The following POLR3B variants were observed in gnomAD, a reference collection of about 807,000 sequenced individuals.
POLR3B encodes RNA polymerase III subunit B.
POLR3B carries 96 observed loss-of-function variants against 147.4 expected under a neutral mutation model. That is an observed-to-expected ratio of 0.65 (90% confidence interval 0.55 to 0.77). The LOEUF is 0.77. Ranked by LOEUF, POLR3B falls within the 30% of genes least tolerant of loss-of-function variation. The pLI, the probability that POLR3B is intolerant of heterozygous loss-of-function variation, is 0.00. For missense variants in POLR3B, 1,036 were observed against 1,413.5 expected (o/e 0.73, Z 4.28); for synonymous variants, 461 against 485.9 (o/e 0.95, Z 0.67).
At chr12:106,416,996 G>A (rs2037313403) in intron 12 of POLR3B, among the ~76,000 whole-genome samples, 1 of 152,096 alleles carries the variant, frequency 6.6e-6, no homozygotes, top group African/African-American at 2.4e-5. Context: ...CTGAAACTGT[G>A]ACCTCCTAGG....
intron 11 of POLR3B, among the ~76,000 whole-genome samples, chr12:106,406,339 G>A (rs546295916): frequency 5.3e-5 from 8 of 152,146 alleles, no homozygotes; most frequent in East Asian, 3.9e-4. Context: ...TGCCTTGCCC[G>A]TACATATTTT....
At chr12:106,461,534 T>C (rs1440514361) in intron 22 of POLR3B, among the ~76,000 whole-genome samples, 2 of 152,132 alleles carry the variant, frequency 1.3e-5, no homozygotes, top group African/African-American at 4.8e-5. Flanking sequence ...GCAAAACCCA[T>C]GTATAGTCGA....
rs1593019869 is a variant in POLR3B, at chr12:106,400,800, A to G, written c.847-5057A>G. 2.6e-5 allele frequency among the ~76,000 whole-genome samples: 4 copies of G among 152,352 alleles called. No homozygotes were observed. In the South Asian group the frequency reaches 6.2e-4, roughly 24 times the overall value. Reference sequence around the variant, plus strand: ...AATGAGAACAAAGACACAACATACCAGAATCTCTGGGACACATTCAAAGCA... The same window carrying G: ...AATGAGAACAAAGACACAACATACCGGAATCTCTGGGACACATTCAAAGCA... On this transcript the variant is annotated intron_variant, in intron 10 of 27. Coordinates refer to ENST00000228347, the MANE Select transcript of POLR3B (RefSeq NM_018082.6).
At chr12:106,392,980 A>T (rs748991625) in intron 9 of POLR3B, 51 bp from the exon 10 acceptor site, 2 of 1,610,610 alleles carry the variant, frequency 1.2e-6, no homozygotes, top group Non-Finnish European at 8.5e-7. Flanking sequence ...AGCAAATGTC[A>T]GTGAGTTAAC....
At chr12:106,474,551 T>C (rs1360135643) in intron 23 of POLR3B, among the ~76,000 whole-genome samples, 1 of 144,022 alleles carries the variant, frequency 6.9e-6, no homozygotes, top group African/African-American at 2.6e-5. Flanking sequence ...GCTCCTGTTA[T>C]TGGTCTATTC....
At chr12:106,426,843 C>A (rs76305409) in intron 12 of POLR3B, among the ~76,000 whole-genome samples, 2 of 5,866 alleles carry the variant, frequency 3.4e-4, no homozygotes. Context: ...CCACCGTCCC[C>A]CCCCCCCCCC....
At chr12:106,470,965 G>A (rs756927540) in intron 23 of POLR3B, among the ~76,000 whole-genome samples, 2 of 152,124 alleles carry the variant, frequency 1.3e-5, no homozygotes, top group Admixed American at 6.5e-5. Flanking sequence ...CTTGAACACC[G>A]TGCTGGGAGA....
chr12:106,360,673 G>T (rs1173299957), intron 1 of POLR3B, among the ~76,000 whole-genome samples: 1 of 152,238 alleles, frequency 6.6e-6, no homozygotes, highest in Non-Finnish European at 1.5e-5. Context: ...TAGCACAGCA[G>T]CATGGTAGTA....
At chr12:106,374,303 A>G (rs779806966) in intron 6 of POLR3B, among the ~76,000 whole-genome samples, 1 of 151,764 alleles carries the variant, frequency 6.6e-6, no homozygotes, top group Non-Finnish European at 1.5e-5. Context: ...TGCAGCCTCA[A>G]CCTCCTGGGC....
At chr12:106,359,361 T>C (rs969854231) in intron 1 of POLR3B, among the ~76,000 whole-genome samples, 1 of 145,478 alleles carries the variant, frequency 6.9e-6, no homozygotes, top group African/African-American at 2.6e-5. Flanking sequence ...AGACGGAGTC[T>C]AGCTCTGTCG....
intron 9 of POLR3B, among the ~76,000 whole-genome samples, chr12:106,391,655 T>C (rs1352216902): frequency 6.6e-6 from 1 of 152,188 alleles, no homozygotes; most frequent in Non-Finnish European, 1.5e-5. Flanking sequence ...TTTATGCAAA[T>C]GAGAAAACAA....
intron 9 of POLR3B, among the ~76,000 whole-genome samples, chr12:106,387,892 T>A (rs1565880607): frequency 6.6e-6 from 1 of 152,206 alleles, no homozygotes; most frequent in East Asian, 1.9e-4. Context: ...GAGTGCCCTT[T>A]TTCTTTCCTT....
intron 7 of POLR3B, among the ~76,000 whole-genome samples, chr12:106,376,991 T>C (rs1174301141): frequency 2.6e-5 from 4 of 152,312 alleles, no homozygotes; most frequent in Non-Finnish European, 5.9e-5. Context: ...TTTATTGCCA[T>C]GATTTGTCAG....
At chr12:106,475,288 A>G (rs1265035622) in intron 23 of POLR3B, among the ~76,000 whole-genome samples, 1 of 115,868 alleles carries the variant, frequency 8.6e-6, no homozygotes, top group African/African-American at 4.7e-5. Context: ...ACTTCCAACT[A>G]TGTGGTCAGT....
At position 106,435,319 on chromosome 12, in the gene POLR3B, A is replaced by G. The variant is rs1355653627; in HGVS notation, c.1781+1447A>G. The stretch of plus-strand genomic sequence containing the variant: ...CCACTGCCCCTGGCTAATTTTTTGT[A>G]TTATTAGTAGTGATGGGGTTTCACT... On this transcript the variant is annotated intron_variant, in intron 16 of 27. Coordinates refer to ENST00000228347, the MANE Select transcript of POLR3B (RefSeq NM_018082.6). Among the ~76,000 whole-genome samples the G allele has an allele frequency of 2.8e-5, 4 of 142,782 alleles. No homozygotes were observed. The East Asian group carries it at 8.4e-4, about 30-fold the overall frequency. 93.7% of individuals were successfully genotyped at this position (142,782 alleles called of 152,430 possible).
At chr12:106,436,947 A>G in intron 16 of POLR3B, 110 bp from the exon 17 acceptor site, 1 of 815,164 alleles carries the variant, frequency 1.2e-6, no homozygotes, top group South Asian at 1.4e-5. Context: ...CAATCCAGGA[A>G]TAGGTTTGTT....
chr12:106,357,893 C>G lies in POLR3B; in HGVS notation c.14C>G (p.Ala5Gly), dbSNP rs144172154. 1.2e-6 allele frequency: 2 copies of G among 1,613,642 alleles called. No homozygotes were observed. The highest frequency in any genetic ancestry group is 8.5e-7 in the Non-Finnish European group (1 of 1,179,960). Reference sequence around the variant, plus strand: ...TTCGTGAGCAGCATGGACGTGCTAGCGGAGGAGTTTGGGAACCTGACTCCG... The same window carrying G: ...TTCGTGAGCAGCATGGACGTGCTAGGGGAGGAGTTTGGGAACCTGACTCCG... The part of the protein sequence containing the change: MDVL[A>G]EEFGNLTPEQ... Residue 5 changes from alanine (A) to glycine (G), a missense_variant, in exon 1 of 28, where the codon GCG becomes GGG. Transcript: ENST00000228347.
chr12:106,411,509 T>C (rs540461144), intron 12 of POLR3B, among the ~76,000 whole-genome samples: 4 of 152,322 alleles, frequency 2.6e-5, no homozygotes, highest in Admixed American at 2.6e-4. Flanking sequence ...CTGTATAATA[T>C]ACAAAGTGAA....
intron 9 of POLR3B, among the ~76,000 whole-genome samples, chr12:106,387,782 C>G (rs944043631): frequency 2.0e-4 from 30 of 152,164 alleles, no homozygotes; most frequent in African/African-American, 5.6e-4. Flanking sequence ...TTTCCAGTCT[C>G]TTTAAGTCTT....
Sources: allele counts gnomAD v4.1 joint callset (sites outside exome capture counted in the v4.1 genomes callset), GRCh38; gene constraint gnomAD v4.1.1; transcripts MANE v1.5; gene names NCBI Gene and HGNC (gene_info 2026-07-23, HGNC 2026-07-21).